The following MUC3A variants were observed in gnomAD, a reference collection of about 807,000 sequenced individuals.
The protein encoded by MUC3A is mucin 3A, cell surface associated, also known as mucin-3A.
MUC3A carries 109 observed loss-of-function variants against 109.0 expected under a neutral mutation model. The observed-to-expected ratio is 1.00, with a 90% CI of 0.86 to 1.17. The LOEUF is 1.17. Ranked by LOEUF, MUC3A falls within the 50% of genes most tolerant of loss-of-function variation. MUC3A has a pLI of 0.00. For synonymous variants in MUC3A, 1,398 were observed against 981.4 expected (o/e 1.42, Z -7.93); for missense variants, 3,537 against 2,469.4 (o/e 1.43, Z -9.16).
At chr7:100,965,227 G>C in intron 6 of MUC3A, 55 bp from the exon 7 acceptor site, 5 of 1,587,708 alleles carry the variant, frequency 3.1e-6, no homozygotes, top group Non-Finnish European at 4.3e-6. Flanking sequence ...CTAACCCCTT[G>C]ACCTTAACCC....
chr7:100,963,303 T>TTGA, intron 4 of MUC3A, 37 bp downstream of exon 4: 2 of 1,393,112 alleles, frequency 1.4e-6, no homozygotes, highest in African/African-American at 1.5e-5. Context: ...TTTTTTTTTT[T>TTGA]GAGGTGTAGT....
At chr7:100,966,784 G>C in intron 10 of MUC3A, 41 bp downstream of exon 10, 1 of 1,598,460 alleles carries the variant, frequency 6.3e-7, no homozygotes, top group Non-Finnish European at 8.5e-7. Context: ...AGGCTTTCCT[G>C]GGCACCACTG....
chr7:100,966,290 G>A, intron 8 of MUC3A, 96 bp from the exon 9 acceptor site: 1 of 1,048,120 alleles, frequency 9.5e-7, no homozygotes, highest in Non-Finnish European at 1.1e-6. Flanking sequence ...CCCTAGGCTG[G>A]AGCCCCGCCC....
intron 8 of MUC3A, 195 bp from the exon 9 acceptor site, chr7:100,966,191 G>A: frequency 1.7e-6 from 1 of 579,652 alleles, no homozygotes; most frequent in Non-Finnish European, 2.6e-6. Context: ...ATCTAAGGTG[G>A]AATCCCGCCC....
At chr7:100,962,837 T>C (rs541571575) in intron 3 of MUC3A, among the ~76,000 whole-genome samples, 54 of 147,466 alleles carry the variant, frequency 3.7e-4, no homozygotes, top group Non-Finnish European at 5.9e-4. Context: ...TTCTTTCTTT[T>C]TCTCTCTCTC....
rs758061533 is a variant in MUC3A, at chr7:100,960,079, C to T, written c.8300C>T (p.Thr2767Ile). Residue 2767 changes from threonine to isoleucine, a missense_variant, in exon 2 of 12, where the codon ACA becomes ATA. Thr to Ile is a moderately conservative substitution (Grantham distance 89). Coordinates refer to ENST00000379458, the MANE Select transcript of MUC3A (RefSeq NM_005960.2). ...TCTTATATTTCCCTTCCCTCCACCA[C>T]ACCCTGTCCAGGAACTATAACAATT... is the stretch of plus-strand genomic sequence containing the variant. ...PFSYISLPSTTPCPGTITITI... is the reference protein window; with the variant it reads ...PFSYISLPSTIPCPGTITITI... 1 of 1,516,754 alleles carries T rather than the reference C, an allele frequency of 6.6e-7. No individual in the cohort carries two copies. Among genetic ancestry groups the T allele is most frequent in the South Asian group, 1.3e-5 (1 of 76,170 alleles). The allele number at this position is 1,516,754 out of a possible 1,614,324, so 94.0% of individuals were successfully genotyped here. A position where few individuals can be genotyped will look rare whatever the true frequency, so the allele number is the denominator to read the frequency against.
At chr7:100,965,111 G>GGA in intron 6 of MUC3A, 171 bp from the exon 7 acceptor site, 1 of 1,065,034 alleles carries the variant, frequency 9.4e-7, no homozygotes, top group Non-Finnish European at 1.3e-6. Context: ...GGGAGATGAG[G>GGA]CAGGCAACAG....
intron 8 of MUC3A, 47 bp from the exon 9 acceptor site, chr7:100,966,339 C>A (rs754995198): frequency 1.2e-5 from 15 of 1,275,198 alleles, no homozygotes; most frequent in Middle Eastern, 5.5e-4. Flanking sequence ...CACGGGTGGA[C>A]CCCGAGCCCG....
rs1271758766 is a variant in MUC3A at position 100,959,317 on chromosome 7, C to G, written c.7538C>G (p.Pro2513Arg). Residue 2513 changes from proline to arginine, a missense_variant, in exon 2 of 12, where the codon CCC becomes CGC. Physicochemically the swap from Pro to Arg is moderately radical, Grantham distance 103. Transcript: ENST00000379458. ...ACAACCACAGACTTTCCCTCTATAC[C>G]CACTGATATCAGTACCTTACCAACT... ...LTTTTDFPSI[P>R]TDISTLPTRT... is the part of the protein sequence containing the mutation. 1 of 1,569,362 alleles carries G rather than the reference C, an allele frequency of 6.4e-7. No individual in the cohort carries two copies. Among genetic ancestry groups the G allele is most frequent in the African/African-American group, 1.3e-5 (1 of 74,366 alleles).
rs772181300 is a variant in MUC3A at position 100,958,724 on chromosome 7, G to T, written c.6945G>T (p.Glu2315Asp). The T allele has an allele frequency of 1.2e-5, 18 of 1,503,838 alleles. No individual in the cohort carries two copies. Among genetic ancestry groups the T allele is most frequent in the Non-Finnish European group, 1.5e-5 (17 of 1,112,978 alleles). 93.2% of individuals were successfully genotyped at this position (1,503,838 alleles called of 1,614,324 possible). A position where few individuals can be genotyped will look rare whatever the true frequency, so the allele number is the denominator to read the frequency against. ...PSFTSSITTT[E>D]TTSHSAHSFT... ...TCACTTCTTCGATCACCACCACGGAGACCACCTCACACAGTGCTCACAGCT... is the reference window on the plus strand; with the variant it reads ...TCACTTCTTCGATCACCACCACGGATACCACCTCACACAGTGCTCACAGCT... Residue 2315 changes from glutamate to aspartate, a missense_variant, in exon 2 of 12, where the codon GAG becomes GAT. Glu to Asp is a conservative substitution (Grantham distance 45, BLOSUM62 2). Transcript: ENST00000379458.
In MUC3A at chr7:100,953,078, C is replaced by G; in HGVS notation, c.1299C>G (p.Thr433=). 1.8e-6 allele frequency: 2 copies of G among 1,099,650 alleles called. No homozygotes were observed. The highest frequency in any genetic ancestry group is 4.0e-5 in the Admixed American group (2 of 49,690). The allele number at this position is 1,099,650 out of a possible 1,614,324, so 68.1% of individuals were successfully genotyped here. A position where few individuals can be genotyped will look rare whatever the true frequency, so the allele number is the denominator to read the frequency against. The stretch of plus-strand genomic sequence containing the variant: ...CAGGTACTATGGTGACTTCCACAAC[C>G]ATGACCCCATCTTCTCTGAGTACAG... ...PTSGTMVTST[T]MTPSSLSTDI... is the part of the protein sequence containing the mutation. The change falls in exon 2 of 12, where the codon ACC becomes ACG. Residue 433 remains threonine, a synonymous_variant. Transcript: ENST00000379458.
At position 100,955,181 on chromosome 7, in the gene MUC3A, T is replaced by G. The variant is rs928464587; in HGVS notation, c.3402T>G (p.Thr1134=). The part of the protein sequence containing the change: ...SLPTTETATM[T]PTTTLITTTP... ...CAACCACAGAAACAGCCACGATGACTCCTACCACAACCTTGATAACCACCA... is the reference window on the plus strand; with the variant it reads ...CAACCACAGAAACAGCCACGATGACGCCTACCACAACCTTGATAACCACCA... Residue 1134 remains threonine, a synonymous_variant, in exon 2 of 12, where the codon ACT becomes ACG. Transcript: ENST00000379458. 1.1e-5 allele frequency: 7 copies of G among 665,642 alleles called. No individual in the cohort carries two copies. The highest frequency in any genetic ancestry group is 4.2e-5 in the African/African-American group (2 of 48,072). The allele number at this position is 665,642 out of a possible 1,614,324, so 41.2% of individuals were successfully genotyped here.
In MUC3A at chr7:100,965,713, G is replaced by A. The variant is rs199536191; in HGVS notation, c.9458G>A (p.Arg3153His). The A allele has an allele frequency of 1.4e-3, 2,157 of 1,592,160 alleles. No individual in the cohort carries two copies. Among genetic ancestry groups the A allele is most frequent in the Non-Finnish European group, 1.7e-3 (1,962 of 1,174,272 alleles). Residue 3153 changes from arginine to histidine, a missense_variant, in exon 8 of 12, where the codon CGC becomes CAC. Physicochemically the swap from Arg to His is conservative, Grantham distance 29. Transcript: ENST00000379458. ...CCTCCCCAACCCCCAGCCATCTGCC[G>A]CCGCGCCGCTCCCACGGGCTATGAA... ...KTELTPAAIC[R>H]RAAPTGYEEF...
chr7:100,953,753 T>C lies in MUC3A; in HGVS notation c.1974T>C (p.Asn658=), dbSNP rs1792031872. Residue 658 remains asparagine (N), a synonymous_variant, in exon 2 of 12, where the codon AAT becomes AAC. Transcript: ENST00000379458. ...CGACCTCTCCTCCCACAACCACCAA[T>C]TCTTTTACATCACTGACCAGTATGC... ...TTTTSPPTTT[N]SFTSLTSMPL... 9.0e-6 allele frequency: 4 copies of C among 445,740 alleles called. No homozygotes were observed. Among genetic ancestry groups the C allele is most frequent in the Middle Eastern group, 3.0e-4 (1 of 3,300 alleles). The allele number at this position is 445,740 out of a possible 1,614,324, so 27.6% of individuals were successfully genotyped here.
chr7:100,965,565 C>T (rs1406348705), intron 7 of MUC3A, 139 bp from the exon 8 acceptor site: 4 of 1,459,154 alleles, frequency 2.7e-6, no homozygotes, highest in Non-Finnish European at 3.6e-6. Flanking sequence ...CTCCCCTCAT[C>T]GAATCCCAGG....
Position 100,958,550 on chromosome 7 carries a change from T to G in MUC3A, c.6771T>G (p.Thr2257=). The G allele has an allele frequency of 7.0e-7, 1 of 1,421,874 alleles. No homozygotes were observed. The highest frequency in any genetic ancestry group is 9.8e-7 in the Non-Finnish European group (1 of 1,021,518). The allele number at this position is 1,421,874 out of a possible 1,614,324, so 88.1% of individuals were successfully genotyped here. A position where few individuals can be genotyped will look rare whatever the true frequency, so the allele number is the denominator to read the frequency against. The change falls in exon 2 of 12, where the codon ACT becomes ACG. Residue 2257 remains threonine (T), a synonymous_variant. Coordinates refer to ENST00000379458, the MANE Select transcript of MUC3A (RefSeq NM_005960.2). ...ETTSHSTPSF[T]SSITTTETTS... ...CATCCCACAGTACTCCCAGCTTCAC[T>G]TCTTCGATCACCACCACTGAGACCA...
At position 100,960,046 on chromosome 7, in the gene MUC3A, C is replaced by T. The variant is rs775824226; in HGVS notation, c.8267C>T (p.Thr2756Ile). ...CTGACCACAGCTCTCACTGAAATAA[C>T]CCCCTTTTCTTATATTTCCCTTCCC... ...SSLTTALTEI[T>I]PFSYISLPST... The change falls in exon 2 of 12, where the codon ACC becomes ATC. Residue 2756 changes from threonine to isoleucine, a missense_variant. By Grantham distance (89) the Thr-to-Ile change is moderately conservative. Transcript: ENST00000379458. 3.3e-6 allele frequency: 5 copies of T among 1,510,274 alleles called. No individual in the cohort carries two copies. Among genetic ancestry groups the T allele is most frequent in the Admixed American group, 4.5e-5 (2 of 44,632 alleles). The allele number at this position is 1,510,274 out of a possible 1,614,324, so 93.6% of individuals were successfully genotyped here. A position where few individuals can be genotyped will look rare whatever the true frequency, so the allele number is the denominator to read the frequency against.
At position 100,967,202 on chromosome 7, in the gene MUC3A, C is replaced by T. The variant is rs780741656; in HGVS notation, c.*40C>T. The T allele has an allele frequency of 5.0e-6, 8 of 1,598,116 alleles. No homozygotes were observed. The highest frequency in any genetic ancestry group is 1.3e-5 in the African/African-American group (1 of 75,076). On this transcript the variant is annotated 3_prime_UTR_variant, in exon 12 of 12. Transcript: ENST00000379458. Reference sequence around the variant, plus strand: ...CTTCACCACCCCCTCCGCCCTGCCCCGGACACAAGGGTCTGCATTGCGTCC... The same window carrying T: ...CTTCACCACCCCCTCCGCCCTGCCCTGGACACAAGGGTCTGCATTGCGTCC...
In MUC3A at chr7:100,965,716, G is replaced by T. The variant is rs764051520; in HGVS notation, c.9461G>T (p.Arg3154Leu). 2.5e-6 allele frequency: 4 copies of T among 1,597,308 alleles called. No individual in the cohort carries two copies. Among genetic ancestry groups the T allele is most frequent in the Admixed American group, 1.7e-5 (1 of 59,872 alleles). The change falls in exon 8 of 12, where the codon CGC (arginine) becomes CTC (leucine). Residue 3154 changes from arginine to leucine, a missense_variant. Physicochemically the swap from Arg to Leu is moderately radical, Grantham distance 102. Transcript: ENST00000379458. The stretch of plus-strand genomic sequence containing the variant: ...CCCCAACCCCCAGCCATCTGCCGCC[G>T]CGCCGCTCCCACGGGCTATGAAGAG... ...TELTPAAICR[R>L]AAPTGYEEFY...
Sources: gnomAD v4.1 joint callset for allele counts (sites outside exome capture counted in the v4.1 genomes callset) on GRCh38, gnomAD v4.1.1 for gene constraint, MANE v1.5 for transcripts, NCBI Gene and HGNC (gene_info 2026-07-23, HGNC 2026-07-21) for gene names.